The following ARSB variants were observed in gnomAD, a reference collection of about 807,000 sequenced individuals.
ARSB encodes N-acetylgalactosamine-4-sulfatase.
ARSB carries 41 observed loss-of-function variants against 50.9 expected under a neutral mutation model. The observed-to-expected ratio is 0.81, with a 90% CI of 0.63 to 1.04. The LOEUF is 1.04. Ranked by LOEUF, ARSB falls within the 50% of genes least tolerant of loss-of-function variation. The pLI, the probability that ARSB is intolerant of heterozygous loss-of-function variation, is 0.00. For synonymous variants in ARSB, 269 were observed against 284.8 expected, an observed-to-expected ratio of 0.94 and a Z score of 0.56; for missense variants, 672 against 693.3, an observed-to-expected ratio of 0.97 and a Z score of 0.35.
At chr5:78,870,437 C>T (rs1747080027) in intron 5 of ARSB, among the ~76,000 whole-genome samples, 1 of 133,634 alleles carries the variant, frequency 7.5e-6, no homozygotes, top group South Asian at 2.5e-4. Context: ...CAAACCAAAT[C>T]CAGCAGCACA....
intron 4 of ARSB, among the ~76,000 whole-genome samples, chr5:78,941,100 T>C (rs1750894446): frequency 6.7e-6 from 1 of 149,976 alleles, no homozygotes; most frequent in Admixed American, 6.7e-5. Flanking sequence ...GTTATTGGTG[T>C]ATAAGAATGC....
At chr5:78,912,814 C>T (rs1561497661) in intron 4 of ARSB, among the ~76,000 whole-genome samples, 1 of 152,232 alleles carries the variant, frequency 6.6e-6, no homozygotes, top group Non-Finnish European at 1.5e-5. Context: ...TTCACAATAC[C>T]TCTATCCATT....
chr5:78,984,888 CG>C, intron 1 of ARSB, 48 bp downstream of exon 1: 2 of 1,255,584 alleles, frequency 1.6e-6, no homozygotes. Flanking sequence ...GGCAGGGCGC[CG>C]GCGAAAGGCG....
chr5:78,929,039 C>T (rs1750194299), intron 4 of ARSB, among the ~76,000 whole-genome samples: 1 of 152,184 alleles, frequency 6.6e-6, no homozygotes, highest in Admixed American at 6.5e-5. Context: ...TTAACAATCA[C>T]TCAAGCACAG....
chr5:78,893,019 A>G (rs1333671636), intron 4 of ARSB, among the ~76,000 whole-genome samples: 1 of 152,106 alleles, frequency 6.6e-6, no homozygotes, highest in African/African-American at 2.4e-5. Context: ...CATAATTCCC[A>G]TGTGTTGTAG....
intron 4 of ARSB, among the ~76,000 whole-genome samples, chr5:78,954,562 T>C (rs1477646661): frequency 6.6e-6 from 1 of 152,204 alleles, no homozygotes; most frequent in African/African-American, 2.4e-5. Context: ...TGGAGTGCAG[T>C]GGCACAGTTT....
chr5:78,954,034 T>C (rs1751598343), intron 4 of ARSB, among the ~76,000 whole-genome samples: 1 of 151,316 alleles, frequency 6.6e-6, no homozygotes, highest in Non-Finnish European at 1.5e-5. Flanking sequence ...TTAAAATAAA[T>C]TCAATAGGAA....
intron 4 of ARSB, among the ~76,000 whole-genome samples, chr5:78,952,710 C>T (rs1387435886): frequency 1.3e-5 from 2 of 152,314 alleles, no homozygotes; most frequent in Admixed American, 6.5e-5. Flanking sequence ...CCAGAACTAG[C>T]ATCTTCACTT....
chr5:78,882,621 T>C (rs940204979), intron 5 of ARSB, among the ~76,000 whole-genome samples: 3 of 152,036 alleles, frequency 2.0e-5, no homozygotes, highest in African/African-American at 7.2e-5. Flanking sequence ...GTGACTGAAA[T>C]AGTGTTTGCA....
intron 6 of ARSB, among the ~76,000 whole-genome samples, chr5:78,798,741 GC>G (rs1440178344): frequency 1.1e-4 from 17 of 152,210 alleles, no homozygotes; most frequent in Non-Finnish European, 2.2e-4. Context: ...AGGTGGGCCT[GC>G]CCCCTCCGGG....
At chr5:78,874,217 G>T (rs1402153002) in intron 5 of ARSB, among the ~76,000 whole-genome samples, 4 of 152,242 alleles carry the variant, frequency 2.6e-5, no homozygotes, top group African/African-American at 4.8e-5. Flanking sequence ...ATTCAAGGAT[G>T]AATTCCTCCA....
Position 78,885,702 on chromosome 5 carries a change from C to A in ARSB, c.1024G>T (p.Val342Leu), listed in dbSNP as rs749593643. 1.2e-6 allele frequency: 2 copies of A among 1,614,114 alleles called. No homozygotes were observed. Among genetic ancestry groups the A allele is most frequent in the Non-Finnish European group, 1.7e-6 (2 of 1,180,016 alleles). Reference protein sequence around the residue: ...VASPLLKQKGVKNRELIHISD... With the variant: ...VASPLLKQKGLKNRELIHISD... ...ATGTGGATGAGCTCCCGGTTCTTCA[C>A]GCCCTTCTGCTTCAGCAAGGGGCTT... The change falls in exon 5 of 8, where the codon GTG becomes TTG. Residue 342 changes from valine to leucine, a missense_variant. Val to Leu is a conservative substitution (Grantham distance 32). Coordinates refer to ENST00000264914, the MANE Select transcript of ARSB (RefSeq NM_000046.5).
At chr5:78,896,865 A>C (rs1198393272) in intron 4 of ARSB, among the ~76,000 whole-genome samples, 1 of 152,166 alleles carries the variant, frequency 6.6e-6, no homozygotes, top group Admixed American at 6.5e-5. Context: ...CTGTAACTAT[A>C]TGTCTAATTA....
intron 4 of ARSB, among the ~76,000 whole-genome samples, chr5:78,949,782 C>T (rs1004684533): frequency 3.3e-5 from 5 of 152,042 alleles, no homozygotes; most frequent in Admixed American, 1.3e-4. Context: ...TGGTGGTACA[C>T]GCCTGTAATC....
At position 78,891,361 on chromosome 5, in the gene ARSB, A is replaced by G. The variant is rs1020082564; in HGVS notation, c.899-5534T>C. Among the ~76,000 whole-genome samples the G allele has an allele frequency of 2.2e-4, 33 of 152,208 alleles. 1 individual carries two copies. Among genetic ancestry groups the G allele is most frequent in the African/African-American group, 8.0e-4 (33 of 41,438 alleles). ...CTCAAATATCAGAATTGTTTGTCTA[A>G]TCTGGTCCCTGGTCAGTTATGTTGG... On this transcript the variant is annotated intron_variant, in intron 4 of 7. Transcript: ENST00000264914.
intron 6 of ARSB, among the ~76,000 whole-genome samples, chr5:78,793,402 G>A (rs1743051819): frequency 6.6e-6 from 1 of 152,198 alleles, no homozygotes; most frequent in Non-Finnish European, 1.5e-5. Flanking sequence ...ACATAGTGGG[G>A]ACAGGGAGGA....
intron 6 of ARSB, among the ~76,000 whole-genome samples, chr5:78,821,617 G>A (rs1319822961): frequency 1.3e-5 from 2 of 152,192 alleles, no homozygotes; most frequent in Non-Finnish European, 2.9e-5. Flanking sequence ...TTTAGAATGT[G>A]GGAAAATTGA....
intron 6 of ARSB, among the ~76,000 whole-genome samples, chr5:78,827,333 C>T (rs531859605): frequency 2.0e-4 from 31 of 152,320 alleles, no homozygotes; most frequent in African/African-American, 7.0e-4. Context: ...CTTAGCCTCC[C>T]TAGTAACTGG....
At chr5:78,811,565 G>C (rs1337612306) in intron 6 of ARSB, among the ~76,000 whole-genome samples, 1 of 152,192 alleles carries the variant, frequency 6.6e-6, no homozygotes. Context: ...GTAGTGACTA[G>C]GGACGTTTGT....
Sources: allele counts gnomAD v4.1 joint callset (sites outside exome capture counted in the v4.1 genomes callset), GRCh38; gene constraint gnomAD v4.1.1; transcripts MANE v1.5; gene names NCBI Gene and HGNC (gene_info 2026-07-23, HGNC 2026-07-21).